The following KMT2B variants were observed in gnomAD, a reference collection of about 807,000 sequenced individuals.
KMT2B encodes the protein lysine methyltransferase 2B.
KMT2B carries 22 observed loss-of-function variants against 255.3 expected under a neutral mutation model. The observed-to-expected ratio is 0.09, with a 90% CI of 0.06 to 0.12. The LOEUF (loss-of-function observed/expected upper bound fraction) is 0.12, where lower values mean the gene tolerates loss of function less well. KMT2B is among the 10% of genes least tolerant of loss of function. The pLI, the probability that KMT2B is intolerant of heterozygous loss-of-function variation, is 1.00. For missense variants in KMT2B, 3,149 were observed against 3,737.0 expected, an observed-to-expected ratio of 0.84 and a Z score of 4.10; for synonymous variants, 1,730 against 1,498.1, an observed-to-expected ratio of 1.15 and a Z score of -3.57.
Position 35,723,949 on chromosome 19 carries a change from G to A in KMT2B, c.3276G>A (p.Ser1092=), listed in dbSNP as rs199942615. ...CCTCCTATGATATCTTCGAGGATTCGGATGACTCGGAGCCCGGGGGCCCCC... is the reference window on the plus strand; with the variant it reads ...CCTCCTATGATATCTTCGAGGATTCAGATGACTCGGAGCCCGGGGGCCCCC... ...QRPSYDIFED[S]DDSEPGGPPA... is the part of the protein sequence containing the mutation. The change falls in exon 8 of 37, where the codon TCG becomes TCA. Residue 1092 remains serine, a synonymous_variant. Coordinates refer to ENST00000420124, the MANE Select transcript of KMT2B (RefSeq NM_014727.3). The surrounding 1 kb of genome is among the most constrained non-coding windows in gnomAD (Gnocchi z 7.5). 1.4e-3 allele frequency: 2,176 copies of A among 1,611,690 alleles called. 11 individuals are homozygous for A. The highest frequency in any genetic ancestry group is 1.4e-3 in the Non-Finnish European group (1,678 of 1,179,082).
At chr19:35,730,902 G>C (rs770743977) in intron 26 of KMT2B, 35 bp downstream of exon 26, 1 of 1,549,312 alleles carries the variant, frequency 6.5e-7, no homozygotes, top group Admixed American at 2.0e-5. Context: ...CCTGAATACC[G>C]CTCTCCCTAA....
At position 35,725,023 on chromosome 19, in the gene KMT2B, C is replaced by G; in HGVS notation, c.3464C>G (p.Pro1155Arg). The change falls in exon 10 of 37, where the codon CCC becomes CGC. Residue 1155 changes from proline to arginine, a missense_variant. By Grantham distance (103) the Pro-to-Arg change is moderately radical. Coordinates refer to ENST00000420124, the MANE Select transcript of KMT2B (RefSeq NM_014727.3). This position sits in a 1 kb window ranked among gnomAD's most constrained non-coding sequence, Gnocchi z 4.1. ...ALAPGPFASF[P>R]NGWTGKQKSP... ...GCCCCTGGCCCCTTTGCTTCTTTTC[C>G]CAATGGCTGGACTGGAAAGCAGAAG... 3 of 1,613,810 alleles carry G rather than the reference C, an allele frequency of 1.9e-6. No individual in the cohort carries two copies. Among genetic ancestry groups the G allele is most frequent in the Non-Finnish European group, 2.5e-6 (3 of 1,179,762 alleles).
In KMT2B at chr19:35,730,396, G is replaced by A. The variant is rs1969646153; in HGVS notation, c.5131G>A (p.Glu1711Lys). 1 of 1,613,716 alleles carries A rather than the reference G, an allele frequency of 6.2e-7. No homozygotes were observed. The highest frequency in any genetic ancestry group is 8.5e-7 in the Non-Finnish European group (1 of 1,179,710). ...DVLRRVYVDF[E>K]GINFKRKFLT... ...TCTCCGCCGAGTCTATGTGGACTTC[G>A]AGGGCATCAACTTCAAGCGGAAGTT... Residue 1711 changes from glutamate (E) to lysine (K), a missense_variant, in exon 24 of 37, where the codon GAG becomes AAG. By Grantham distance (56) the Glu-to-Lys change is moderately conservative. This residue lies in a region of KMT2B where 58 missense variants were observed against 96.9 expected (regional missense o/e 0.60). Coordinates refer to ENST00000420124, the MANE Select transcript of KMT2B (RefSeq NM_014727.3).
Position 35,738,058 on chromosome 19 carries a change from G to T in KMT2B, c.7743-4G>T. 6.2e-7 allele frequency: 1 copy of T among 1,613,876 alleles called. No individual in the cohort carries two copies. The highest frequency in any genetic ancestry group is 1.3e-5 in the African/African-American group (1 of 75,014). ...CTGAGTTCCCTGTTCATCCTGCCCT[G>T]CAGATCAGCCATCCACGGGCGAGGC... is the stretch of plus-strand genomic sequence containing the variant. On this transcript the variant is annotated splice_region_variant and splice_polypyrimidine_tract_variant and intron_variant, in intron 35 of 36. Coordinates refer to ENST00000420124, the MANE Select transcript of KMT2B (RefSeq NM_014727.3). The surrounding 1 kb of genome is among the most constrained non-coding windows in gnomAD (Gnocchi z 8.7).
rs1410514145 is a variant in KMT2B at position 35,720,731 on chromosome 19, C to G, written c.1384C>G (p.Pro462Ala). The G allele has an allele frequency of 8.1e-6, 12 of 1,473,472 alleles. 1 individual carries two copies. Among genetic ancestry groups the G allele is most frequent in the East Asian group, 7.4e-5 (3 of 40,420 alleles). 91.3% of individuals were successfully genotyped at this position (1,473,472 alleles called of 1,614,324 possible). The change falls in exon 3 of 37, where the codon CCA becomes GCA. Residue 462 changes from proline to alanine, a missense_variant. Physicochemically the swap from Pro to Ala is conservative, Grantham distance 27. Around this residue, in one of 18 missense-constraint regions of KMT2B, gnomAD observed 1,188 missense variants for 1,106.4 expected, o/e 1.07. Transcript: ENST00000420124. ...EQEESPPPVV[P>A]ATCSRKRGRP... is the part of the protein sequence containing the mutation. ...GGAGGAATCCCCTCCTCCTGTGGTCCCAGCTACGTGCTCCAGGAAGAGGGG... is the reference window on the plus strand; with the variant it reads ...GGAGGAATCCCCTCCTCCTGTGGTCGCAGCTACGTGCTCCAGGAAGAGGGG...
At position 35,723,857 on chromosome 19, in the gene KMT2B, C is replaced by A; in HGVS notation, c.3184C>A (p.Pro1062Thr). The change falls in exon 8 of 37, where the codon CCA (proline) becomes ACA (threonine). Residue 1062 changes from proline (P) to threonine (T), a missense_variant. Pro to Thr is a conservative substitution (Grantham distance 38). Transcript: ENST00000420124. The surrounding 1 kb of genome is among the most constrained non-coding windows in gnomAD (Gnocchi z 7.5). ...GCCCCGGGAGGAGGTGGTGGCCCAC[C>A]CAGGGCCCGAGGAGCAGGACTCCCT... ...GGPREEVVAH[P>T]GPEEQDSLLQ... 1 of 1,605,898 alleles carries A rather than the reference C, an allele frequency of 6.2e-7. No homozygotes were observed. Among genetic ancestry groups the A allele is most frequent in the Non-Finnish European group, 8.5e-7 (1 of 1,176,552 alleles).
rs372287616 is a variant in KMT2B, at chr19:35,721,799, A to C, written c.2452A>C (p.Met818Leu). The change falls in exon 3 of 37, where the codon ATG becomes CTG. Residue 818 changes from methionine (M) to leucine (L), a missense_variant. Met to Leu is a conservative substitution (Grantham distance 15). Coordinates refer to ENST00000420124, the MANE Select transcript of KMT2B (RefSeq NM_014727.3). ...QQQQQKVAAS[M>L]PLSPGGQMEE... The stretch of plus-strand genomic sequence containing the variant: ...GCAGCAGCAGAAGGTGGCAGCTTCC[A>C]TGCCGGTGAGTGTGGTCCCTGGGCC... 7 of 1,584,026 alleles carry C rather than the reference A, an allele frequency of 4.4e-6. No homozygotes were observed. In the African/African-American group the frequency reaches 8.0e-5, roughly 18 times the overall value.
At position 35,721,651 on chromosome 19, in the gene KMT2B, G is replaced by A. The variant is rs1256416759; in HGVS notation, c.2304G>A (p.Gln768=). ...TGCAGCCACCGCCGTCACCACAGCA[G>A]ATGCCTCCCCTGGAAAAAGCCCGGA... is the stretch of plus-strand genomic sequence containing the variant. ...PQLQPPPSPQ[Q]MPPLEKARIA... The change falls in exon 3 of 37, where the codon CAG becomes CAA. Residue 768 remains glutamine (Q), a synonymous_variant. Transcript: ENST00000420124. The A allele has an allele frequency of 1.2e-6, 2 of 1,613,372 alleles. No homozygotes were observed. Among genetic ancestry groups the A allele is most frequent in the East Asian group, 2.2e-5 (1 of 44,868 alleles).
rs991000974 is a variant in KMT2B, at chr19:35,723,655, G to A, written c.3059-77G>A. ...AGCTCCTGCGTTCATTCCCTGCCCC[G>A]CTTCTTTCTGGCTTCTCTCCCAGTG... On this transcript the variant is annotated intron_variant, in intron 7 of 36. Transcript: ENST00000420124. This position sits in a 1 kb window ranked among gnomAD's most constrained non-coding sequence, Gnocchi z 7.5. 25 of 1,367,294 alleles carry A rather than the reference G, an allele frequency of 1.8e-5. No individual in the cohort carries two copies. Among genetic ancestry groups the A allele is most frequent in the South Asian group, 2.9e-5 (2 of 69,570 alleles). 84.7% of individuals were successfully genotyped at this position (1,367,294 alleles called of 1,614,324 possible).
At chr19:35,719,338 C>A (rs1599667320) in intron 1 of KMT2B, 131 bp from the exon 2 acceptor site, 1 of 685,998 alleles carries the variant, frequency 1.5e-6, no homozygotes, top group East Asian at 2.8e-5. Context: ...ACCTTTGAGT[C>A]TTTTTCGTTC....
rs749554105 is a variant in KMT2B at position 35,723,998 on chromosome 19, C to G, written c.3325C>G (p.Arg1109Gly). The part of the protein sequence containing the change: ...GPPAPRRRTP[R>G]ENELPLPEPE... Reference sequence around the variant, plus strand: ...CCCTGCTCCTCGGCGTCGGACCCCCCGAGAAAATGGTGCGAACTGCTTAAT... The same window carrying G: ...CCCTGCTCCTCGGCGTCGGACCCCCGGAGAAAATGGTGCGAACTGCTTAAT... Residue 1109 changes from arginine (R) to glycine (G), a missense_variant, in exon 8 of 37, where the codon CGA becomes GGA. Physicochemically the swap from Arg to Gly is moderately radical, Grantham distance 125. This residue lies in a region of KMT2B where 136 missense variants were observed against 137.3 expected (regional missense o/e 0.99). Transcript: ENST00000420124. The surrounding 1 kb of genome is among the most constrained non-coding windows in gnomAD (Gnocchi z 7.5). 4 of 1,587,984 alleles carry G rather than the reference C, an allele frequency of 2.5e-6. No homozygotes were observed. Among genetic ancestry groups the G allele is most frequent in the Non-Finnish European group, 3.4e-6 (4 of 1,167,416 alleles).
In KMT2B at chr19:35,723,304, G is replaced by A. The variant is rs368444961; in HGVS notation, c.3002+30G>A. 20 of 1,599,048 alleles carry A rather than the reference G, an allele frequency of 1.3e-5. No individual in the cohort carries two copies. Among genetic ancestry groups the A allele is most frequent in the South Asian group, 2.2e-5 (2 of 90,076 alleles). ...GTAGCTGGGGCGTGACCTCATTCCCGTGGTTGTTGGTCCCCTAGGCTTCCT... is the reference window on the plus strand; with the variant it reads ...GTAGCTGGGGCGTGACCTCATTCCCATGGTTGTTGGTCCCCTAGGCTTCCT... On this transcript the variant is annotated intron_variant, in intron 6 of 36. Transcript: ENST00000420124. This position sits in a 1 kb window ranked among gnomAD's most constrained non-coding sequence, Gnocchi z 7.5.
At chr19:35,726,621 G>A (rs961922531) in intron 14 of KMT2B, among the ~76,000 whole-genome samples, 1 of 152,106 alleles carries the variant, frequency 6.6e-6, no homozygotes, top group Non-Finnish European at 1.5e-5. Context: ...CGTCTCCATT[G>A]AGCGGTTTGG....
Position 35,727,942 on chromosome 19 carries a change from C to G in KMT2B, c.4454C>G (p.Pro1485Arg). The G allele has an allele frequency of 1.3e-6, 2 of 1,590,610 alleles. No homozygotes were observed. The highest frequency in any genetic ancestry group is 1.7e-6 in the Non-Finnish European group (2 of 1,166,744). The change falls in exon 18 of 37, where the codon CCG (proline) becomes CGG (arginine). Residue 1485 changes from proline to arginine, a missense_variant. Physicochemically the swap from Pro to Arg is moderately radical, Grantham distance 103 (BLOSUM62 -2). Around this residue, in one of 18 missense-constraint regions of KMT2B, gnomAD observed 377 missense variants for 471.0 expected, o/e 0.80. Transcript: ENST00000420124. This position sits in a 1 kb window ranked among gnomAD's most constrained non-coding sequence, Gnocchi z 4.2. ...LMRHSEEGETPDRRAGGQMKG... is the reference protein window; with the variant it reads ...LMRHSEEGETRDRRAGGQMKG... ...CGGCACTCGGAGGAGGGAGAGACCC[C>G]GGACCGCCGGGCTGGAGGCCAGATG...
chr19:35,722,140 G>A (rs1969242531), intron 3 of KMT2B, among the ~76,000 whole-genome samples: 1 of 152,002 alleles, frequency 6.6e-6, no homozygotes, highest in African/African-American at 2.4e-5. Context: ...GAGTAGCTGG[G>A]ACTACAGGTG....
At position 35,721,290 on chromosome 19, in the gene KMT2B, G is replaced by C; in HGVS notation, c.1943G>C (p.Arg648Pro). 6.5e-7 allele frequency: 1 copy of C among 1,535,854 alleles called. No individual in the cohort carries two copies. The change falls in exon 3 of 37, where the codon CGG (arginine) becomes CCG (proline). Residue 648 changes from arginine (R) to proline (P), a missense_variant. By Grantham distance (103) the Arg-to-Pro change is moderately radical (BLOSUM62 -2). Around this residue, in one of 18 missense-constraint regions of KMT2B, gnomAD observed 1,188 missense variants for 1,106.4 expected, o/e 1.07. Coordinates refer to ENST00000420124, the MANE Select transcript of KMT2B (RefSeq NM_014727.3). ...TCCTCCCGGAGGCCCCTACTCCTTC[G>C]GGCCCCTCAGTTTACCCCAAGCGAA... Reference protein sequence around the residue: ...ATSSRRPLLLRAPQFTPSEAH... With the variant: ...ATSSRRPLLLPAPQFTPSEAH...
At position 35,738,776 on chromosome 19, in the gene KMT2B, T is replaced by C; in HGVS notation, c.*219T>C. On this transcript the variant is annotated 3_prime_UTR_variant, in exon 37 of 37. Transcript: ENST00000420124. The surrounding 1 kb of genome is among the most constrained non-coding windows in gnomAD (Gnocchi z 8.7). The stretch of plus-strand genomic sequence containing the variant: ...CCCTGGGGGCCCAGGATGTAGATAT[T>C]GTACAAAGGTTTCTAAATCCCTTCT... 5 of 581,222 alleles carry C rather than the reference T, an allele frequency of 8.6e-6. No homozygotes were observed. The highest frequency in any genetic ancestry group is 2.4e-5 in the South Asian group (1 of 42,342). 36.0% of individuals were successfully genotyped at this position (581,222 alleles called of 1,614,324 possible).
In KMT2B at chr19:35,721,708, G is replaced by T; in HGVS notation, c.2361G>T (p.Gly787=). 1 of 1,610,550 alleles carries T rather than the reference G, an allele frequency of 6.2e-7. No homozygotes were observed. The highest frequency in any genetic ancestry group is 8.5e-7 in the Non-Finnish European group (1 of 1,178,356). ...GCGTGGGTTCCTTGCCGCTGTCTGG[G>T]GTAGAGGAGAAGATGTTCAGCCTCC... is the stretch of plus-strand genomic sequence containing the variant. ...IAGVGSLPLS[G]VEEKMFSLLK... is the part of the protein sequence containing the mutation. Residue 787 remains glycine, a synonymous_variant, in exon 3 of 37, where the codon GGG becomes GGT. Coordinates refer to ENST00000420124, the MANE Select transcript of KMT2B (RefSeq NM_014727.3).
rs561115481 is a variant in KMT2B, at chr19:35,731,179, T to A, written c.5437+312T>A. On this transcript the variant is annotated intron_variant, in intron 26 of 36. Coordinates refer to ENST00000420124, the MANE Select transcript of KMT2B (RefSeq NM_014727.3). ...TGTGCTCATGGAGCGCTCTCCAGTG[T>A]CGCCATACTACACCTTGAAGGGGAC... 1.2e-4 allele frequency among the ~76,000 whole-genome samples: 18 copies of A among 152,334 alleles called. No homozygotes were observed. The South Asian group carries it at 3.5e-3, about 30-fold the overall frequency.
Sources: gnomAD v4.1 joint callset for allele counts (sites outside exome capture counted in the v4.1 genomes callset) on GRCh38, gnomAD v4.1.1 for gene constraint, gnomAD v4.1.1 regional missense constraint, Gnocchi (gnomAD v3.1) non-coding constraint, MANE v1.5 for transcripts, NCBI Gene and HGNC (gene_info 2026-07-23, HGNC 2026-07-21) for gene names.